The following MARCHF3 variants were observed in gnomAD, a reference collection of about 807,000 sequenced individuals.
MARCHF3 encodes E3 ubiquitin-protein ligase MARCHF3.
In MARCHF3, 13 loss-of-function variants were observed where a neutral mutation model predicts 24.2. The observed-to-expected ratio is 0.54, with a 90% CI of 0.35 to 0.85. MARCHF3 has a LOEUF of 0.85. Among genes scored for constraint, MARCHF3 ranks in the 40% least tolerant of loss-of-function variants. The pLI, the probability that MARCHF3 is intolerant of heterozygous loss-of-function variation, is 0.01. For missense variants in MARCHF3, 276 were observed against 325.0 expected (o/e 0.85, Z 1.16); for synonymous variants, 144 against 137.3 (o/e 1.05, Z -0.34).
chr5:126,893,214 A>G (rs1753758791), intron 3 of MARCHF3, among the ~76,000 whole-genome samples: 1 of 151,704 alleles, frequency 6.6e-6, no homozygotes, highest in Non-Finnish European at 1.5e-5. Context: ...TGGTCTATCA[A>G]TCTTGTTGAT....
chr5:126,940,378 C>T (rs1159658102), intron 1 of MARCHF3, among the ~76,000 whole-genome samples: 1 of 152,164 alleles, frequency 6.6e-6, no homozygotes, highest in East Asian at 1.9e-4. Context: ...TCATGCTAAA[C>T]AATGAGAAAT....
At chr5:126,876,949 TGGAAGC>T in intron 4 of MARCHF3, among the ~76,000 whole-genome samples, 2 of 152,340 alleles carry the variant, frequency 1.3e-5, no homozygotes, top group Middle Eastern at 6.8e-3. Context: ...CGCGCCCAGC[TGGAAGC>T]GTAGACTTCT....
At chr5:126,889,515 T>C (rs1178680770) in intron 3 of MARCHF3, among the ~76,000 whole-genome samples, 3 of 151,690 alleles carry the variant, frequency 2.0e-5, no homozygotes, top group Non-Finnish European at 4.4e-5. Context: ...TTCAAGGAAA[T>C]ACAATGCACA....
At chr5:126,998,840 A>G (rs1407984827) in intron 1 of MARCHF3, among the ~76,000 whole-genome samples, 1 of 152,182 alleles carries the variant, frequency 6.6e-6, no homozygotes, top group African/African-American at 2.4e-5. Flanking sequence ...GTAAAAAGAA[A>G]AAGCTCCAAT....
At chr5:126,996,864 G>T (rs756599621) in intron 1 of MARCHF3, among the ~76,000 whole-genome samples, 9 of 152,154 alleles carry the variant, frequency 5.9e-5, no homozygotes, top group Non-Finnish European at 1.0e-4. Flanking sequence ...TTAAAAATCA[G>T]AGCGCAGAAG....
intron 1 of MARCHF3, among the ~76,000 whole-genome samples, chr5:126,997,635 T>C (rs1380943994): frequency 2.6e-5 from 4 of 152,340 alleles, no homozygotes; most frequent in African/African-American, 7.2e-5. Context: ...TTGTTTCTAA[T>C]AGAAACAGTA....
At chr5:126,923,305 A>G (rs1749186055) in intron 1 of MARCHF3, among the ~76,000 whole-genome samples, 1 of 152,250 alleles carries the variant, frequency 6.6e-6, no homozygotes, top group African/African-American at 2.4e-5. Flanking sequence ...GCCAATCCCA[A>G]GGCCCTTTTC....
intron 1 of MARCHF3, among the ~76,000 whole-genome samples, chr5:126,938,596 T>A (rs1390336741): frequency 6.6e-6 from 1 of 151,962 alleles, no homozygotes; most frequent in East Asian, 1.9e-4. Context: ...AGCCAAATCC[T>A]TAGTATTTCC....
At chr5:126,953,911 T>C (rs941437522) in intron 1 of MARCHF3, among the ~76,000 whole-genome samples, 4 of 152,234 alleles carry the variant, frequency 2.6e-5, no homozygotes, top group Non-Finnish European at 5.9e-5. Flanking sequence ...TTTCGTTCAA[T>C]GGTCTAGGAG....
At chr5:126,916,804 C>G (rs1748871273) in intron 2 of MARCHF3, among the ~76,000 whole-genome samples, 1 of 151,854 alleles carries the variant, frequency 6.6e-6, no homozygotes, top group South Asian at 2.1e-4. Context: ...TTGATGCCTG[C>G]AAGGGTGAGT....
At position 126,921,256 on chromosome 5, in the gene MARCHF3, G is replaced by A. The variant is rs565874178; in HGVS notation, c.-56-3029C>T. Among the ~76,000 whole-genome samples, 5 of 152,286 alleles carry A rather than the reference G, an allele frequency of 3.3e-5. No individual in the cohort carries two copies. In the East Asian group the frequency reaches 9.6e-4, roughly 29 times the overall value. On this transcript the variant is annotated intron_variant, in intron 1 of 4. Transcript: ENST00000308660. ...AATGGGCTAAGAGGGATTACACAAA[G>A]CATTAGCACTCTTGAACATGGTGGG...
At chr5:126,899,127 C>A (rs1253553846) in intron 3 of MARCHF3, 7 of 985,318 alleles carry the variant, frequency 7.1e-6, no homozygotes, top group Non-Finnish European at 8.4e-6. Flanking sequence ...AATCTCACAG[C>A]GTTCCTATCT....
intron 1 of MARCHF3, among the ~76,000 whole-genome samples, chr5:126,980,537 A>C (rs367818310): frequency 1.1e-4 from 16 of 151,960 alleles, no homozygotes; most frequent in Admixed American, 8.5e-4. Context: ...GGCTCGGCTA[A>C]TTTTTTGTAT....
chr5:126,920,618 G>GT (rs927068223), intron 1 of MARCHF3, among the ~76,000 whole-genome samples: 4 of 152,144 alleles, frequency 2.6e-5, no homozygotes, highest in African/African-American at 7.2e-5. Flanking sequence ...CTGGAAGACG[G>GT]TAAGGAGGGG....
At chr5:126,958,800 C>G (rs1750538327) in intron 1 of MARCHF3, among the ~76,000 whole-genome samples, 2 of 152,120 alleles carry the variant, frequency 1.3e-5, no homozygotes, top group African/African-American at 4.8e-5. Context: ...GCAATTAAAA[C>G]AAACCTAACT....
At chr5:126,978,384 T>G (rs975699432) in intron 1 of MARCHF3, among the ~76,000 whole-genome samples, 1 of 151,630 alleles carries the variant, frequency 6.6e-6, no homozygotes, top group Non-Finnish European at 1.5e-5. Flanking sequence ...TGTTGAAGAA[T>G]AGGGAAAGAG....
At chr5:126,998,010 A>G (rs1472481955) in intron 1 of MARCHF3, among the ~76,000 whole-genome samples, 2 of 152,260 alleles carry the variant, frequency 1.3e-5, no homozygotes, top group Non-Finnish European at 2.9e-5. Flanking sequence ...AGGAAATATT[A>G]AGAGAAAAAA....
chr5:126,896,488 T>C (rs1296965129), intron 3 of MARCHF3, among the ~76,000 whole-genome samples: 1 of 152,088 alleles, frequency 6.6e-6, no homozygotes, highest in Non-Finnish European at 1.5e-5. Flanking sequence ...GAAACACATA[T>C]ACATTTTTAG....
At chr5:126,973,101 A>G (rs186537905) in intron 1 of MARCHF3, among the ~76,000 whole-genome samples, 2 of 152,328 alleles carry the variant, frequency 1.3e-5, no homozygotes, top group African/African-American at 4.8e-5. Context: ...ACCTAATTCC[A>G]TGTCACCAAT....
Sources: allele counts gnomAD v4.1 joint callset (sites outside exome capture counted in the v4.1 genomes callset), GRCh38; gene constraint gnomAD v4.1.1; transcripts MANE v1.5; gene names NCBI Gene and HGNC (gene_info 2026-07-23, HGNC 2026-07-21).